Variants in DAB1 observed in about 807,000 individuals in gnomAD.
DAB1 encodes disabled homolog 1.
In DAB1, 15 loss-of-function variants were observed where a neutral mutation model predicts 64.6. The ratio of observed to expected loss-of-function variants is 0.23; its 90% CI spans 0.16 to 0.36. The LOEUF (loss-of-function observed/expected upper bound fraction) is 0.36, where lower values mean the gene tolerates loss of function less well. Ranked by LOEUF, DAB1 falls within the 10% of genes least tolerant of loss-of-function variation. The pLI is 1.00. For synonymous variants in DAB1, 235 were observed against 251.9 expected (o/e 0.93, Z 0.64); for missense variants, 596 against 706.7 (o/e 0.84, Z 1.78).
chr1:57,264,841 A>C (rs1337735880), intron 2 of DAB1, among the ~76,000 whole-genome samples: 1 of 152,204 alleles, frequency 6.6e-6, no homozygotes, highest in Non-Finnish European at 1.5e-5. Context: ...GTATCTGTTC[A>C]TGGTGCATAT....
chr1:57,980,588 A>T (rs1210343443), intron 5 of DAB1, among the ~76,000 whole-genome samples: 1 of 152,116 alleles, frequency 6.6e-6, no homozygotes, highest in African/African-American at 2.4e-5. Context: ...TCCTATACCC[A>T]TAACAGCAAG....
intron 3 of DAB1, among the ~76,000 whole-genome samples, chr1:58,479,190 C>T (rs1275483513): frequency 1.3e-5 from 2 of 152,168 alleles, no homozygotes; most frequent in African/African-American, 4.8e-5. Context: ...AGGAAATCTG[C>T]AGGAAAATCT....
At chr1:57,121,190 A>AAGAAAG (rs1244551442) in intron 4 of DAB1, among the ~76,000 whole-genome samples, 2 of 150,846 alleles carry the variant, frequency 1.3e-5, no homozygotes, top group African/African-American at 2.4e-5. Context: ...GAAGAAAGAG[A>AAGAAAG]AGAAGGAGAA....
chr1:57,647,900 G>A (rs1379083879), intron 7 of DAB1, among the ~76,000 whole-genome samples: 1 of 152,182 alleles, frequency 6.6e-6, no homozygotes, highest in African/African-American at 2.4e-5. Context: ...ACATGTATGA[G>A]AAAGCTTTTA....
At chr1:57,773,907 A>G (rs955939237) in intron 6 of DAB1, among the ~76,000 whole-genome samples, 8 of 152,018 alleles carry the variant, frequency 5.3e-5, no homozygotes, top group Admixed American at 1.3e-4. Context: ...AGTTTTATGA[A>G]AAGTCTTGAA....
chr1:58,126,859 T>A (rs981313431), intron 5 of DAB1, among the ~76,000 whole-genome samples: 1 of 147,050 alleles, frequency 6.8e-6, no homozygotes, highest in African/African-American at 2.5e-5. Flanking sequence ...AGTCTATCAC[T>A]GTTGGACATT....
At chr1:58,327,424 C>T (rs1662859656) in intron 4 of DAB1, among the ~76,000 whole-genome samples, 1 of 152,178 alleles carries the variant, frequency 6.6e-6, no homozygotes, top group South Asian at 2.1e-4. Context: ...CCCATTCCTA[C>T]TCTTTCCCAG....
chr1:58,379,130 C>G (rs1351598374), intron 3 of DAB1, among the ~76,000 whole-genome samples: 2 of 151,914 alleles, frequency 1.3e-5, no homozygotes, highest in Admixed American at 1.3e-4. Context: ...ATGCAGAAAT[C>G]ACCCGTCTTC....
At chr1:58,103,862 G>C (rs1054406472) in intron 5 of DAB1, among the ~76,000 whole-genome samples, 1 of 151,994 alleles carries the variant, frequency 6.6e-6, no homozygotes, top group Non-Finnish European at 1.5e-5. Flanking sequence ...TTGTCAAATT[G>C]AGTCCTAGTA....
chr1:57,146,386 G>A (rs1383120508), intron 2 of DAB1, among the ~76,000 whole-genome samples: 1 of 152,178 alleles, frequency 6.6e-6, no homozygotes, highest in Non-Finnish European at 1.5e-5. Context: ...AACCTGGAGT[G>A]TCCTTCTGTC....
intron 6 of DAB1, among the ~76,000 whole-genome samples, chr1:57,783,014 C>CT (rs2101847207): frequency 7.7e-6 from 1 of 129,754 alleles, no homozygotes; most frequent in South Asian, 3.2e-4. Flanking sequence ...TCCTTCCTTC[C>CT]TCTTCCCTCC....
At chr1:58,512,961 TACTC>T (rs1205890992) in intron 2 of DAB1, among the ~76,000 whole-genome samples, 8 of 152,180 alleles carry the variant, frequency 5.3e-5, no homozygotes, top group Non-Finnish European at 1.0e-4. Flanking sequence ...TTAAAATAAA[TACTC>T]AGTTTATCAC....
chr1:58,307,864 A>G (rs1478127339), intron 4 of DAB1, among the ~76,000 whole-genome samples: 7 of 152,238 alleles, frequency 4.6e-5, no homozygotes, highest in Admixed American at 1.3e-4. Flanking sequence ...CAGGGACCAC[A>G]TCAGAGTAGA....
At chr1:58,503,237 TAG>T (rs1190956387) in intron 3 of DAB1, among the ~76,000 whole-genome samples, 1 of 152,150 alleles carries the variant, frequency 6.6e-6, no homozygotes, top group Non-Finnish European at 1.5e-5. Flanking sequence ...ATCATTGCTT[TAG>T]AGACAGGCCC....
intron 5 of DAB1, among the ~76,000 whole-genome samples, chr1:58,050,477 A>G (rs1256407169): frequency 6.6e-6 from 1 of 152,160 alleles, no homozygotes; most frequent in Non-Finnish European, 1.5e-5. Context: ...TCATTAATCT[A>G]AGGAATATTT....
chr1:57,226,376 G>C (rs2100408263), intron 2 of DAB1, among the ~76,000 whole-genome samples: 1 of 152,072 alleles, frequency 6.6e-6, no homozygotes, highest in Non-Finnish European at 1.5e-5. Context: ...TCAGTTAGTG[G>C]CAACTCCATC....
chr1:57,608,959 T>C (rs1645693198), intron 7 of DAB1, among the ~76,000 whole-genome samples: 1 of 152,228 alleles, frequency 6.6e-6, no homozygotes, highest in East Asian at 1.9e-4. Context: ...AGCTTAATTC[T>C]GCCTTGATAA....
intron 2 of DAB1, among the ~76,000 whole-genome samples, chr1:57,280,637 G>A (rs1671814400): frequency 6.6e-6 from 1 of 152,210 alleles, no homozygotes; most frequent in African/African-American, 2.4e-5. Flanking sequence ...GAAGCAGTGG[G>A]ATGAACTAAT....
chr1:57,217,130 A>C (rs1666485548), intron 2 of DAB1, among the ~76,000 whole-genome samples: 1 of 152,212 alleles, frequency 6.6e-6, no homozygotes, highest in African/African-American at 2.4e-5. Context: ...TATTGAAAGA[A>C]CTGCCTAAGA....
Sources: gnomAD v4.1 joint callset for allele counts (sites outside exome capture counted in the v4.1 genomes callset) on GRCh38, gnomAD v4.1.1 for gene constraint, MANE v1.5 for transcripts, NCBI Gene and HGNC (gene_info 2026-07-23, HGNC 2026-07-21) for gene names.